The following MAGI2 variants were observed in gnomAD, a reference collection of about 807,000 sequenced individuals.
MAGI2 encodes membrane associated guanylate kinase, WW and PDZ domain containing 2, also known as membrane-associated guanylate kinase, WW and PDZ domain-containing protein 2.
In MAGI2, 35 loss-of-function variants were observed where a neutral mutation model predicts 133.3. That is an observed-to-expected ratio of 0.26 (90% confidence interval 0.20 to 0.35). MAGI2 has a LOEUF of 0.35. MAGI2 is among the 10% of genes least tolerant of loss of function. The pLI, the probability that MAGI2 is intolerant of heterozygous loss-of-function variation, is 1.00. For missense variants in MAGI2, 1,636 were observed against 1,863.4 expected, an observed-to-expected ratio of 0.88 and a Z score of 2.25; for synonymous variants, 729 against 710.6, an observed-to-expected ratio of 1.03 and a Z score of -0.41.
chr7:79,300,871 C>T (rs1437690473), intron 1 of MAGI2, among the ~76,000 whole-genome samples: 1 of 152,196 alleles, frequency 6.6e-6, no homozygotes, highest in East Asian at 1.9e-4. Flanking sequence ...AGATACTGCT[C>T]TCACATCCTG....
chr7:78,330,887 CTCAGT>C (rs756360036), intron 9 of MAGI2, among the ~76,000 whole-genome samples: 4 of 152,106 alleles, frequency 2.6e-5, no homozygotes, highest in Non-Finnish European at 4.4e-5. Flanking sequence ...GAACCAAAGG[CTCAGT>C]TCAGAGAGAC....
intron 2 of MAGI2, among the ~76,000 whole-genome samples, chr7:78,810,459 T>C (rs1297993475): frequency 1.3e-5 from 2 of 152,180 alleles, no homozygotes; most frequent in East Asian, 3.8e-4. Context: ...CCAGATTTTA[T>C]CAGGTGAGTT....
chr7:78,259,977 A>AT (rs1416873115), intron 9 of MAGI2, among the ~76,000 whole-genome samples: 1 of 152,128 alleles, frequency 6.6e-6, no homozygotes, highest in Non-Finnish European at 1.5e-5. Context: ...ACTAACAGCA[A>AT]TTTTTCAAGT....
At chr7:78,885,295 C>A (rs781583080) in intron 2 of MAGI2, among the ~76,000 whole-genome samples, 18 of 152,078 alleles carry the variant, frequency 1.2e-4, no homozygotes, top group Non-Finnish European at 2.2e-4. Context: ...CATGTAGCCC[C>A]TGAATGTAAA....
intron 1 of MAGI2, among the ~76,000 whole-genome samples, chr7:79,426,646 C>T (rs1055342492): frequency 6.6e-6 from 1 of 152,136 alleles, no homozygotes; most frequent in Non-Finnish European, 1.5e-5. Context: ...TATATCCTAT[C>T]TCTACAAATA....
intron 3 of MAGI2, among the ~76,000 whole-genome samples, chr7:78,550,117 C>G (rs1799210686): frequency 6.6e-6 from 1 of 152,196 alleles, no homozygotes; most frequent in Non-Finnish European, 1.5e-5. Flanking sequence ...TTAGCAGATA[C>G]CCTATCTGCC....
At chr7:78,143,020 C>T (rs934388449) in intron 16 of MAGI2, among the ~76,000 whole-genome samples, 2 of 152,130 alleles carry the variant, frequency 1.3e-5, no homozygotes, top group Non-Finnish European at 2.9e-5. Context: ...AACCCTATTT[C>T]GGCAATTTTT....
Position 78,627,026 on chromosome 7 carries a change from C to T in MAGI2, c.538+94G>A, listed in dbSNP as rs38116. The T allele has an allele frequency of 0.52, 673,459 of 1,297,174 alleles. 178,015 individuals carry two copies. Among genetic ancestry groups the T allele is most frequent in the South Asian group, 0.57 (24,260 of 42,484 alleles). The allele number at this position is 1,297,174 out of a possible 1,614,324, so 80.4% of individuals were successfully genotyped here. On this transcript the variant is annotated intron_variant, in intron 3 of 21. Transcript: ENST00000354212. Reference sequence around the variant, plus strand: ...CTTATTAAAGCTCTCAAACCCAAAACAGCCCATTAGTAACCTGGTGTCCCC... The same window carrying T: ...CTTATTAAAGCTCTCAAACCCAAAATAGCCCATTAGTAACCTGGTGTCCCC...
At chr7:78,900,545 C>T (rs1797545617) in intron 2 of MAGI2, among the ~76,000 whole-genome samples, 1 of 152,078 alleles carries the variant, frequency 6.6e-6, no homozygotes, top group South Asian at 2.1e-4. Flanking sequence ...ACTCCAAATG[C>T]CATGGTTCTC....
At chr7:79,221,483 C>A (rs1830440888) in intron 1 of MAGI2, among the ~76,000 whole-genome samples, 1 of 151,980 alleles carries the variant, frequency 6.6e-6, no homozygotes, top group African/African-American at 2.4e-5. Context: ...CCACTGCTGT[C>A]ATTTTATATC....
intron 3 of MAGI2, among the ~76,000 whole-genome samples, chr7:78,557,561 G>T (rs1054784962): frequency 6.6e-6 from 1 of 152,110 alleles, no homozygotes; most frequent in African/African-American, 2.4e-5. Flanking sequence ...GAGGCTCCCA[G>T]GGCTTCTCCA....
intron 6 of MAGI2, among the ~76,000 whole-genome samples, chr7:78,382,769 T>C (rs972400135): frequency 1.3e-5 from 2 of 151,998 alleles, no homozygotes; most frequent in Admixed American, 6.6e-5. Context: ...CAACTTCCAC[T>C]CACCTTTCAT....
At chr7:79,262,746 C>T (rs1834175935) in intron 1 of MAGI2, among the ~76,000 whole-genome samples, 1 of 152,128 alleles carries the variant, frequency 6.6e-6, no homozygotes, top group South Asian at 2.1e-4. Flanking sequence ...AAGTTTTGGG[C>T]AAAGCACACA....
intron 2 of MAGI2, among the ~76,000 whole-genome samples, chr7:79,001,544 A>T (rs1806856379): frequency 6.6e-6 from 1 of 152,180 alleles, no homozygotes; most frequent in Admixed American, 6.6e-5. Context: ...GCTAGAAAGG[A>T]CTAGAACTTT....
chr7:78,528,276 G>T (rs903193409), intron 3 of MAGI2, among the ~76,000 whole-genome samples: 2 of 152,184 alleles, frequency 1.3e-5, no homozygotes, highest in African/African-American at 2.4e-5. Flanking sequence ...ACAGAGAAAA[G>T]ATTTAGGGTT....
chr7:78,925,501 A>G (rs1332733641), intron 2 of MAGI2, among the ~76,000 whole-genome samples: 2 of 152,016 alleles, frequency 1.3e-5, no homozygotes, highest in East Asian at 3.9e-4. Flanking sequence ...CTCGAATCCA[A>G]TAGGTCTCAA....
At chr7:78,362,426 G>C (rs992777642) in intron 7 of MAGI2, among the ~76,000 whole-genome samples, 3 of 152,200 alleles carry the variant, frequency 2.0e-5, no homozygotes, top group African/African-American at 7.2e-5. Context: ...GAGTAGTACA[G>C]AGGGTCGGGG....
At chr7:79,194,679 AGAGAAAATT>A (rs577907345) in intron 1 of MAGI2, among the ~76,000 whole-genome samples, 1 of 152,022 alleles carries the variant, frequency 6.6e-6, no homozygotes, top group African/African-American at 2.4e-5. Flanking sequence ...AGCATTTCAC[AGAGAAAATT>A]GACATCTAGC....
In MAGI2 at chr7:78,359,573, C is replaced by T. The variant is rs555955723; in HGVS notation, c.1103+9583G>A. On this transcript the variant is annotated intron_variant, in intron 7 of 21. Transcript: ENST00000354212. ...ATATCAAGTATATTTATATTTTTTT[C>T]CTACAGCTTGGTAAAAAGAATCCAT... The T allele has an allele frequency of 5.9e-5, 9 of 152,056 alleles. No homozygotes were observed. The South Asian group carries it at 1.9e-3, about 32-fold the overall frequency. The allele number at this position is 152,056 out of a possible 1,614,324, so 9.4% of individuals were successfully genotyped here. A position where few individuals can be genotyped will look rare whatever the true frequency, so the allele number is the denominator to read the frequency against.
Sources: gnomAD v4.1 joint callset for allele counts (sites outside exome capture counted in the v4.1 genomes callset) on GRCh38, gnomAD v4.1.1 for gene constraint, MANE v1.5 for transcripts, NCBI Gene and HGNC (gene_info 2026-07-23, HGNC 2026-07-21) for gene names.